NEURL1: variants seen among roughly 807,000 people sequenced by gnomAD.
NEURL1 encodes the protein E3 ubiquitin-protein ligase NEURL1.
NEURL1 carries 26 observed loss-of-function variants against 41.2 expected under a neutral mutation model. The observed-to-expected ratio is 0.63, with a 90% CI of 0.46 to 0.87. The LOEUF is 0.87. Among genes scored for constraint, NEURL1 ranks in the 40% least tolerant of loss-of-function variants. The probability of loss-of-function intolerance (pLI) is 0.00; values close to 1 mark genes in which losing one functional copy is unlikely to be tolerated. For missense variants in NEURL1, 761 were observed against 871.1 expected, an observed-to-expected ratio of 0.87 and a Z score of 1.59; for synonymous variants, 400 against 402.3, an observed-to-expected ratio of 0.99 and a Z score of 0.07.
In NEURL1 at chr10:103,495,042, T is replaced by G. The variant is rs549349860; in HGVS notation, c.85+570T>G. On this transcript the variant is annotated intron_variant, in intron 1 of 5. Coordinates refer to ENST00000369780, the MANE Select transcript of NEURL1 (RefSeq NM_004210.5). ...TTCTGGTTTTCCCAAAGACCAGATA[T>G]CCAGTCAGAGCCCTAGAAAAGAGGG... Among the ~76,000 whole-genome samples the G allele has an allele frequency of 4.3e-4, 65 of 152,312 alleles. 3 individuals carry two copies. The South Asian group carries it at 0.013, about 31-fold the overall frequency.
intron 1 of NEURL1, among the ~76,000 whole-genome samples, chr10:103,533,465 G>C (rs2034617243): frequency 6.6e-6 from 1 of 150,610 alleles, no homozygotes; most frequent in South Asian, 2.1e-4. Flanking sequence ...TGCCTCCTAG[G>C]TTCAAGTGAT....
At chr10:103,537,904 G>A (rs1262675931) in intron 1 of NEURL1, among the ~76,000 whole-genome samples, 2 of 151,814 alleles carry the variant, frequency 1.3e-5, no homozygotes. Flanking sequence ...CCTCCCTGCT[G>A]CACCCCCCGC....
chr10:103,497,628 C>T (rs1423061401), intron 1 of NEURL1, among the ~76,000 whole-genome samples: 1 of 152,210 alleles, frequency 6.6e-6, no homozygotes, highest in Non-Finnish European at 1.5e-5. Context: ...CCTGGGAACA[C>T]ACTGACCCCA....
chr10:103,531,067 A>G (rs892613928), intron 1 of NEURL1, among the ~76,000 whole-genome samples: 1 of 151,936 alleles, frequency 6.6e-6, no homozygotes, highest in Non-Finnish European at 1.5e-5. Flanking sequence ...TAAAAATACA[A>G]AAATTAGCCA....
intron 1 of NEURL1, among the ~76,000 whole-genome samples, chr10:103,512,838 G>A (rs1158631673): frequency 6.6e-6 from 1 of 152,050 alleles, no homozygotes; most frequent in Non-Finnish European, 1.5e-5. Flanking sequence ...AGGGGGACTG[G>A]GAACAAGGTG....
Position 103,590,363 on chromosome 10 carries a change from CA to C in NEURL1, c.1717del (p.Ser573AlafsTer23). Reference protein sequence around the residue: ...PIKDIIKTYRSS With the variant: ...PIKDIIKTYRXS ...TCAAGGACATCATCAAGACCTACCG[CA>C]GCTCCTAGCCCGTTGCGGTGGCCCA... is the stretch of plus-strand genomic sequence containing the variant. On this transcript the variant is annotated frameshift_variant, in exon 6 of 6. Transcript: ENST00000369780. LOFTEE classifies it high-confidence loss of function. 6.2e-7 allele frequency: 1 copy of C among 1,613,634 alleles called. No homozygotes were observed. Among genetic ancestry groups the C allele is most frequent in the Non-Finnish European group, 8.5e-7 (1 of 1,179,642 alleles).
chr10:103,570,322 C>T (rs1459038460), intron 1 of NEURL1, among the ~76,000 whole-genome samples: 3 of 152,078 alleles, frequency 2.0e-5, no homozygotes, highest in Non-Finnish European at 4.4e-5. Context: ...GTAGAGGCCG[C>T]CCATTGTGCC....
chr10:103,508,391 C>T lies in NEURL1; in HGVS notation c.85+13919C>T, dbSNP rs1046675801. ...TTAGCATTAGGGTGACATCCATTTG[C>T]GACTCTCATCCTCAGGATACAGCTA... On this transcript the variant is annotated intron_variant, in intron 1 of 5. Coordinates refer to ENST00000369780, the MANE Select transcript of NEURL1 (RefSeq NM_004210.5). This position sits in a 1 kb window ranked among gnomAD's most constrained non-coding sequence, Gnocchi z 4.3. Among the ~76,000 whole-genome samples, 2 of 152,192 alleles carry T rather than the reference C, an allele frequency of 1.3e-5. No individual in the cohort carries two copies. Among genetic ancestry groups the T allele is most frequent in the African/African-American group, 4.8e-5 (2 of 41,454 alleles).
At chr10:103,584,498 A>G in intron 3 of NEURL1, 38 bp from the exon 4 acceptor site, 1 of 1,283,276 alleles carries the variant, frequency 7.8e-7, no homozygotes. Flanking sequence ...CCGCCTCCCG[A>G]GAGCCCTGCG....
rs2036041762 is a variant in NEURL1, at chr10:103,591,349, G to C, written c.*977G>C. ...GATGGGCCAGGGCCCTGGGTGGGGA[G>C]GTGTGGGTTCCCTGGGCCAAGACCA... On this transcript the variant is annotated 3_prime_UTR_variant, in exon 6 of 6. Transcript: ENST00000369780. The C allele has an allele frequency of 6.6e-6, 1 of 152,598 alleles. No individual in the cohort carries two copies. Among genetic ancestry groups the C allele is most frequent in the Non-Finnish European group, 1.5e-5 (1 of 68,126 alleles). 9.5% of individuals were successfully genotyped at this position (152,598 alleles called of 1,614,324 possible).
intron 1 of NEURL1, among the ~76,000 whole-genome samples, chr10:103,559,900 A>G (rs1469715613): frequency 6.6e-6 from 1 of 151,906 alleles, no homozygotes; most frequent in South Asian, 2.1e-4. Flanking sequence ...ACATGCATGC[A>G]CACACACAAC....
chr10:103,522,841 C>T (rs915166122), intron 1 of NEURL1, among the ~76,000 whole-genome samples: 2 of 152,056 alleles, frequency 1.3e-5, no homozygotes, highest in African/African-American at 4.8e-5. Context: ...GGCACGCTCT[C>T]CAGTAGTCAG....
intron 4 of NEURL1, among the ~76,000 whole-genome samples, chr10:103,586,272 C>T (rs959613102): frequency 2.6e-5 from 4 of 152,070 alleles, no homozygotes; most frequent in Admixed American, 6.5e-5. Flanking sequence ...CTCCTGGTAC[C>T]TTTGTACCCC....
chr10:103,588,942 G>GA (rs35294224), intron 4 of NEURL1: 9,396 of 315,980 alleles, frequency 0.03, 1 homozygote, highest in Non-Finnish European at 0.033. Context: ...GACTCCGTCT[G>GA]AAAAAAAAAA....
rs988667560 is a variant in NEURL1, at chr10:103,514,311, C to T, written c.85+19839C>T. Among the ~76,000 whole-genome samples the T allele has an allele frequency of 5.9e-5, 9 of 152,004 alleles. No individual in the cohort carries two copies. In the South Asian group the frequency reaches 8.3e-4, roughly 14 times the overall value. ...TTCACCATGTTGGTCAGGATGGTCT[C>T]GATCTCTTGACCTTGTGATCTGCCC... On this transcript the variant is annotated intron_variant, in intron 1 of 5. Transcript: ENST00000369780.
Position 103,519,015 on chromosome 10 carries a change from C to T in NEURL1, c.85+24543C>T, listed in dbSNP as rs148928297. 2.6e-3 allele frequency among the ~76,000 whole-genome samples: 394 copies of T among 152,224 alleles called. 5 individuals are homozygous for T. Among genetic ancestry groups the T allele is most frequent in the Middle Eastern group, 0.01 (3 of 294 alleles). On this transcript the variant is annotated intron_variant, in intron 1 of 5. Coordinates refer to ENST00000369780, the MANE Select transcript of NEURL1 (RefSeq NM_004210.5). ...ATCCCAGCACTTTGGGAGGCTGAGG[C>T]GGGTGGATCGCTTGAGGTTAGAAGT...
chr10:103,533,960 C>T lies in NEURL1; in HGVS notation c.86-36912C>T, dbSNP rs143395305. On this transcript the variant is annotated intron_variant, in intron 1 of 5. Transcript: ENST00000369780. ...TGCTGGGATTACAGGCGTGAACCACCGCGCCTAGCTCAAATGACCTACCTT... is the reference window on the plus strand; with the variant it reads ...TGCTGGGATTACAGGCGTGAACCACTGCGCCTAGCTCAAATGACCTACCTT... Among the ~76,000 whole-genome samples the T allele has an allele frequency of 1.7e-3, 253 of 152,166 alleles. 2 individuals carry two copies. Among genetic ancestry groups the T allele is most frequent in the African/African-American group, 5.4e-3 (226 of 41,532 alleles).
At chr10:103,554,155 C>T (rs2035093646) in intron 1 of NEURL1, among the ~76,000 whole-genome samples, 1 of 152,240 alleles carries the variant, frequency 6.6e-6, no homozygotes, top group Non-Finnish European at 1.5e-5. Flanking sequence ...CATGCCTGCC[C>T]AGGGCTGGAG....
At chr10:103,569,773 C>G (rs2035498641) in intron 1 of NEURL1, among the ~76,000 whole-genome samples, 1 of 152,200 alleles carries the variant, frequency 6.6e-6, no homozygotes, top group South Asian at 2.1e-4. Context: ...CTCCTCATGC[C>G]ACCCTCTCCT....
Sources: gnomAD v4.1 joint callset for allele counts (sites outside exome capture counted in the v4.1 genomes callset) on GRCh38, gnomAD v4.1.1 for gene constraint, Gnocchi (gnomAD v3.1) non-coding constraint, MANE v1.5 for transcripts, NCBI Gene and HGNC (gene_info 2026-07-23, HGNC 2026-07-21) for gene names.